Variants in SPRED3 observed in about 807,000 individuals in gnomAD.
SPRED3 encodes sprouty related EVH1 domain containing 3.
SPRED3 carries 23 observed loss-of-function variants against 37.6 expected under a neutral mutation model. The observed-to-expected ratio is 0.61, with a 90% CI of 0.44 to 0.87. SPRED3 has a LOEUF of 0.87. SPRED3 is among the 40% of genes least tolerant of loss of function. SPRED3 has a pLI of 0.00. For synonymous variants in SPRED3, 302 were observed against 279.6 expected, an observed-to-expected ratio of 1.08 and a Z score of -0.80; for missense variants, 584 against 618.6, an observed-to-expected ratio of 0.94 and a Z score of 0.59.
chr19:38,396,149 C>T lies in SPRED3; in HGVS notation c.*4C>T. ...CCACGAGGAGGCTGCGCGGTGAGGA[C>T]GGCCTGGTGGGTCCCCTAGCCGGCC... On this transcript the variant is annotated 3_prime_UTR_variant, in exon 6 of 6. Coordinates refer to ENST00000691638, the MANE Select transcript of SPRED3 (RefSeq NM_001394336.1). 7.9e-7 allele frequency: 1 copy of T among 1,266,862 alleles called. No individual in the cohort carries two copies. Among genetic ancestry groups the T allele is most frequent in the Non-Finnish European group, 9.9e-7 (1 of 1,008,516 alleles). The allele number at this position is 1,266,862 out of a possible 1,614,324, so 78.5% of individuals were successfully genotyped here. A position where few individuals can be genotyped will look rare whatever the true frequency, so the allele number is the denominator to read the frequency against.
At position 38,394,710 on chromosome 19, in the gene SPRED3, C is replaced by T. The variant is rs988248528; in HGVS notation, c.491C>T (p.Ala164Val). ...GAGACTCCTCCCAGCGCCGCTGCGG[C>T]CCCCATCATCACGATGGAGTCAGCT... The part of the protein sequence containing the change: ...RQETPPSAAA[A>V]PIITMESASG... Residue 164 changes from alanine to valine, a missense_variant, in exon 5 of 6, where the codon GCC becomes GTC. Coordinates refer to ENST00000691638, the MANE Select transcript of SPRED3 (RefSeq NM_001394336.1). 1.9e-6 allele frequency: 3 copies of T among 1,593,840 alleles called. No homozygotes were observed. The highest frequency in any genetic ancestry group is 1.7e-5 in the Admixed American group (1 of 57,270).
chr19:38,390,025 C>T (rs1175281309), intron 1 of SPRED3: 6 of 252,704 alleles, frequency 2.4e-5, no homozygotes, highest in African/African-American at 1.1e-4. Context: ...GGGGTGGGGA[C>T]GGAGAGATGG....
At position 38,392,067 on chromosome 19, in the gene SPRED3, A is replaced by G. The variant is rs757135224; in HGVS notation, c.299A>G (p.Asp100Gly). The G allele has an allele frequency of 1.2e-6, 2 of 1,614,080 alleles. No individual in the cohort carries two copies. The highest frequency in any genetic ancestry group is 1.3e-5 in the African/African-American group (1 of 74,926). The change falls in exon 3 of 6, where the codon GAT (aspartate) becomes GGT (glycine). Residue 100 changes from aspartate to glycine, a missense_variant. Asp to Gly is a moderately conservative substitution (Grantham distance 94). Around this residue, in one of 7 missense-constraint regions of SPRED3, gnomAD observed 310 missense variants for 281.1 expected, o/e 1.10. Coordinates refer to ENST00000691638, the MANE Select transcript of SPRED3 (RefSeq NM_001394336.1). ...ACGTTTCAGAGCCCTGCAGAGGCTG[A>G]TGAGTTCCAGAAGAGCCTGCTGGCT... is the stretch of plus-strand genomic sequence containing the variant. The part of the protein sequence containing the change: ...GLTFQSPAEA[D>G]EFQKSLLAAL...
At chr19:38,389,965 G>T in intron 1 of SPRED3, 1 of 215,088 alleles carries the variant, frequency 4.6e-6, no homozygotes, top group Non-Finnish European at 9.0e-6. Context: ...AGGAGAAGGG[G>T]GTGATAGGGA....
intron 4 of SPRED3, among the ~76,000 whole-genome samples, chr19:38,393,543 G>A (rs1194968931): frequency 1.3e-5 from 2 of 151,736 alleles, no homozygotes; most frequent in African/African-American, 4.8e-5. Flanking sequence ...TCACTATGTT[G>A]GTCAGGCTGA....
At position 38,395,560 on chromosome 19, in the gene SPRED3, C is replaced by G; in HGVS notation, c.648C>G (p.Gly216=). 1.9e-6 allele frequency: 3 copies of G among 1,551,818 alleles called. No individual in the cohort carries two copies. Among genetic ancestry groups the G allele is most frequent in the Non-Finnish European group, 2.6e-6 (3 of 1,151,746 alleles). The change falls in exon 6 of 6, where the codon GGC becomes GGG. Residue 216 remains glycine (G), a synonymous_variant. Transcript: ENST00000691638. This position sits in a 1 kb window ranked among gnomAD's most constrained non-coding sequence, Gnocchi z 5.2. ...PLAGAGGLGW[G]GRGYEDYRRS... ...CAGGGGCAGGGGGCCTGGGGTGGGG[C>G]GGCCGCGGCTACGAGGATTACCGGC...
In SPRED3 at chr19:38,394,678, C is replaced by A. The variant is rs1405547206; in HGVS notation, c.459C>A (p.Ser153Arg). Residue 153 changes from serine (S) to arginine (R), a missense_variant, in exon 5 of 6, where the codon AGC becomes AGA. Transcript: ENST00000691638. ...HVDSDSSSSH[S>R]RQETPPSAAA... ...ACAGCGACTCCTCCTCCAGTCACAG[C>A]CGCCAGGAGACTCCTCCCAGCGCCG... 2.0e-5 allele frequency: 32 copies of A among 1,598,856 alleles called. No homozygotes were observed. The highest frequency in any genetic ancestry group is 2.6e-5 in the Non-Finnish European group (30 of 1,175,928).
chr19:38,388,943 AC>A (rs940078352), intron 1 of SPRED3, 136 bp downstream of exon 1: 8 of 393,286 alleles, frequency 2.0e-5, no homozygotes, highest in East Asian at 3.6e-5. Flanking sequence ...GAGAGTGGGG[AC>A]CCCCCAAACT....
At position 38,399,316 on chromosome 19, in the gene SPRED3, C is replaced by T. The variant is rs1970936471; in HGVS notation, c.*3171C>T. On this transcript the variant is annotated 3_prime_UTR_variant, in exon 6 of 6. Coordinates refer to ENST00000691638, the MANE Select transcript of SPRED3 (RefSeq NM_001394336.1). Reference sequence around the variant, plus strand: ...AAATCAGGGGTACATGGAGGGCCGCCCTGGGAGCCAGGCAGACCTCAGACC... The same window carrying T: ...AAATCAGGGGTACATGGAGGGCCGCTCTGGGAGCCAGGCAGACCTCAGACC... 2.0e-5 allele frequency: 3 copies of T among 152,286 alleles called. No homozygotes were observed. The highest frequency in any genetic ancestry group is 2.9e-5 in the Non-Finnish European group (2 of 68,110). The allele number at this position is 152,286 out of a possible 1,614,324, so 9.4% of individuals were successfully genotyped here. A position where few individuals can be genotyped will look rare whatever the true frequency, so the allele number is the denominator to read the frequency against.
Position 38,394,636 on chromosome 19 carries a change from C to T in SPRED3, c.424-7C>T. On this transcript the variant is annotated splice_region_variant and splice_polypyrimidine_tract_variant and intron_variant, in intron 4 of 5. Coordinates refer to ENST00000691638, the MANE Select transcript of SPRED3 (RefSeq NM_001394336.1). ...GTCCCCGCGCTGAGGCCGCCAATCT[C>T]CTCCAGTCCCACGTGGACAGCGACT... The T allele has an allele frequency of 6.3e-7, 1 of 1,592,504 alleles. No homozygotes were observed. Among genetic ancestry groups the T allele is most frequent in the Non-Finnish European group, 8.5e-7 (1 of 1,174,350 alleles).
At chr19:38,390,856 C>T (rs1018925752) in intron 2 of SPRED3, among the ~76,000 whole-genome samples, 2 of 151,390 alleles carry the variant, frequency 1.3e-5, no homozygotes, top group Non-Finnish European at 1.5e-5. Context: ...GGCCCTACAC[C>T]ACCTGGCCCC....
At position 38,396,110 on chromosome 19, in the gene SPRED3, G is replaced by A. The variant is rs2145161982; in HGVS notation, c.1198G>A (p.Gly400Ser). Residue 400 changes from glycine to serine, a missense_variant, in exon 6 of 6, where the codon GGC (glycine) becomes AGC (serine). Transcript: ENST00000691638. ...GGTCGCAGCGCGATGCGGCTGCGCC[G>A]GCTGCGGGGGTCGCCACGAGGAGGC... ...HWVAARCGCA[G>S]CGGRHEEAAR The A allele has an allele frequency of 2.3e-6, 3 of 1,287,228 alleles. No individual in the cohort carries two copies. The highest frequency in any genetic ancestry group is 2.9e-6 in the Non-Finnish European group (3 of 1,020,992). The allele number at this position is 1,287,228 out of a possible 1,614,324, so 79.7% of individuals were successfully genotyped here.
rs559280266 is a variant in SPRED3, at chr19:38,398,641, C to A, written c.*2496C>A. 3.9e-5 allele frequency: 6 copies of A among 152,292 alleles called. No individual in the cohort carries two copies. The highest frequency in any genetic ancestry group is 1.4e-4 in the African/African-American group (6 of 41,544). 9.4% of individuals were successfully genotyped at this position (152,292 alleles called of 1,614,324 possible). On this transcript the variant is annotated 3_prime_UTR_variant, in exon 6 of 6. Transcript: ENST00000691638. ...GGGGGGTGCCACAGGCTTTTTTCCCCCAAGTGAAATGGGGCTTCCAGTGGA... is the reference window on the plus strand; with the variant it reads ...GGGGGGTGCCACAGGCTTTTTTCCCACAAGTGAAATGGGGCTTCCAGTGGA...
At chr19:38,390,978 T>C (rs887527443) in intron 2 of SPRED3, among the ~76,000 whole-genome samples, 5 of 152,014 alleles carry the variant, frequency 3.3e-5, no homozygotes, top group Non-Finnish European at 5.9e-5. Context: ...TCGGGCACAA[T>C]GTGGAGGGAC....
chr19:38,392,223 CCCTCCTCCTCCT>C lies in SPRED3; in HGVS notation c.372_383del (p.Ser125_Ser128del). 6.4e-7 allele frequency: 1 copy of C among 1,570,206 alleles called. No homozygotes were observed. Among genetic ancestry groups the C allele is most frequent in the Non-Finnish European group, 8.7e-7 (1 of 1,155,740 alleles). ...TCTCCCTGCCCCAGGCTCACTCACC[CCCTCCTCCTCCT>C]CCTCCTCCTCCTCTCCTTCCCAGGA... On this transcript the variant is annotated inframe_deletion, in exon 4 of 6. Coordinates refer to ENST00000691638, the MANE Select transcript of SPRED3 (RefSeq NM_001394336.1).
Position 38,397,054 on chromosome 19 carries a change from G to T in SPRED3, c.*909G>T, listed in dbSNP as rs1300441617. 1.3e-5 allele frequency: 2 copies of T among 152,134 alleles called. No individual in the cohort carries two copies. Among genetic ancestry groups the T allele is most frequent in the Non-Finnish European group, 2.9e-5 (2 of 68,034 alleles). The allele number at this position is 152,134 out of a possible 1,614,324, so 9.4% of individuals were successfully genotyped here. A position where few individuals can be genotyped will look rare whatever the true frequency, so the allele number is the denominator to read the frequency against. On this transcript the variant is annotated 3_prime_UTR_variant, in exon 6 of 6. Transcript: ENST00000691638. ...ATAGGTCCACCCACCCCCAAGCCAG[G>T]GTTCTCAGGAGCTTTGGATATCATT...
In SPRED3 at chr19:38,395,260, G is replaced by C. The variant is rs1237570181; in HGVS notation, c.568-220G>C. Among the ~76,000 whole-genome samples the C allele has an allele frequency of 1.3e-5, 2 of 152,166 alleles. No homozygotes were observed. The highest frequency in any genetic ancestry group is 2.4e-5 in the African/African-American group (1 of 41,440). On this transcript the variant is annotated intron_variant, in intron 5 of 5. Transcript: ENST00000691638. This position sits in a 1 kb window ranked among gnomAD's most constrained non-coding sequence, Gnocchi z 5.2. ...GGCTCTTGGATCTTAAGAGAGGACA[G>C]GACTAGGAACCTTCGGCCTCTGGGT... is the stretch of plus-strand genomic sequence containing the variant.
In SPRED3 at chr19:38,395,717, G is replaced by T; in HGVS notation, c.805G>T (p.Ala269Ser). Residue 269 changes from alanine to serine, a missense_variant, in exon 6 of 6, where the codon GCG becomes TCG. Ala to Ser is a moderately conservative substitution (Grantham distance 99). Around this residue, in one of 7 missense-constraint regions of SPRED3, gnomAD observed 310 missense variants for 281.1 expected, o/e 1.10. Coordinates refer to ENST00000691638, the MANE Select transcript of SPRED3 (RefSeq NM_001394336.1). This position sits in a 1 kb window ranked among gnomAD's most constrained non-coding sequence, Gnocchi z 5.2. ...PAPLTEAAPP[A>S]PPARPPPGPG... ...CCCTTTGACCGAGGCTGCGCCCCCA[G>T]CGCCCCCCGCTCGCCCACCCCCCGG... 1.4e-6 allele frequency: 2 copies of T among 1,452,170 alleles called. No individual in the cohort carries two copies. The highest frequency in any genetic ancestry group is 1.8e-6 in the Non-Finnish European group (2 of 1,113,666). The allele number at this position is 1,452,170 out of a possible 1,614,324, so 90.0% of individuals were successfully genotyped here. A position where few individuals can be genotyped will look rare whatever the true frequency, so the allele number is the denominator to read the frequency against.
At chr19:38,393,514 T>C (rs1970857923) in intron 4 of SPRED3, among the ~76,000 whole-genome samples, 1 of 152,060 alleles carries the variant, frequency 6.6e-6, no homozygotes, top group African/African-American at 2.4e-5. Context: ...TTTTTTGTAT[T>C]TTTAGTAGAG....
Sources: gnomAD v4.1 joint callset for allele counts (sites outside exome capture counted in the v4.1 genomes callset) on GRCh38, gnomAD v4.1.1 for gene constraint, gnomAD v4.1.1 regional missense constraint, Gnocchi (gnomAD v3.1) non-coding constraint, MANE v1.5 for transcripts, NCBI Gene and HGNC (gene_info 2026-07-23, HGNC 2026-07-21) for gene names.